The following NAV3 variants were observed in gnomAD, a reference collection of about 807,000 sequenced individuals.
The protein encoded by NAV3 is neuron navigator 3, also known as pore membrane and/or filament interacting like protein 1.
In NAV3, 87 loss-of-function variants were observed where a neutral mutation model predicts 244.7. The ratio of observed to expected loss-of-function variants is 0.36; its 90% CI spans 0.30 to 0.42. The LOEUF (loss-of-function observed/expected upper bound fraction) is 0.42, where lower values mean the gene tolerates loss of function less well. Ranked by LOEUF, NAV3 falls within the 20% of genes least tolerant of loss-of-function variation. The probability of loss-of-function intolerance (pLI) is 1.00; values close to 1 mark genes in which losing one functional copy is unlikely to be tolerated. For missense variants in NAV3, 2,663 were observed against 2,893.3 expected (o/e 0.92, Z 1.83); for synonymous variants, 1,126 against 1,042.2 (o/e 1.08, Z -1.55).
At chr12:77,841,483 C>G (rs1875640581) in intron 1 of NAV3, among the ~76,000 whole-genome samples, 1 of 152,202 alleles carries the variant, frequency 6.6e-6, no homozygotes, top group African/African-American at 2.4e-5. Flanking sequence ...AAACCTAGGT[C>G]TCAGTGGCTT....
chr12:78,157,667 T>C (rs151131112), intron 22 of NAV3, among the ~76,000 whole-genome samples: 1 of 152,158 alleles, frequency 6.6e-6, no homozygotes, highest in African/African-American at 2.4e-5. Context: ...TTGCTTGTCA[T>C]TGAAAATTTT....
chr12:77,680,976 G>A (rs974469206), intron 2 of NAV3, among the ~76,000 whole-genome samples: 1 of 152,048 alleles, frequency 6.6e-6, no homozygotes, highest in Non-Finnish European at 1.5e-5. Context: ...ATCCGATTTT[G>A]GGGGGAGGGG....
chr12:78,139,529 ACATACTACTC>A (rs1232630817), intron 19 of NAV3, among the ~76,000 whole-genome samples: 3 of 152,206 alleles, frequency 2.0e-5, no homozygotes, highest in Admixed American at 1.3e-4. Flanking sequence ...GCAGAAATAA[ACATACTACTC>A]CATAGTAAAA....
chr12:77,973,887 T>C (rs1345534298), intron 5 of NAV3, among the ~76,000 whole-genome samples: 1 of 152,138 alleles, frequency 6.6e-6, no homozygotes, highest in African/African-American at 2.4e-5. Flanking sequence ...GATTAAACTT[T>C]AAATAAAACA....
intron 2 of NAV3, among the ~76,000 whole-genome samples, chr12:77,628,751 C>T (rs1482414904): frequency 6.6e-6 from 1 of 151,410 alleles, no homozygotes; most frequent in Non-Finnish European, 1.5e-5. Flanking sequence ...ATTAGCCGGG[C>T]ACGGTGGAGC....
chr12:78,200,411 A>T, intron 37 of NAV3, 62 bp from the exon 38 acceptor site: 1 of 969,034 alleles, frequency 1.0e-6, no homozygotes, highest in Non-Finnish European at 1.5e-6. Flanking sequence ...AATGGTGTCT[A>T]GATATGTGTT....
chr12:78,098,958 T>G (rs1014881612), intron 12 of NAV3, among the ~76,000 whole-genome samples: 77 of 151,066 alleles, frequency 5.1e-4, no homozygotes, highest in African/African-American at 1.8e-3. Context: ...ATCCAGGGTT[T>G]TTTTTTTTTT....
At chr12:77,905,830 T>C (rs1383976926) in intron 1 of NAV3, among the ~76,000 whole-genome samples, 3 of 152,190 alleles carry the variant, frequency 2.0e-5, no homozygotes, top group Admixed American at 2.0e-4. Context: ...CTTTTGTACA[T>C]TGAGTACAGT....
chr12:77,814,416 G>T lies in NAV3; in HGVS notation c.73-125903G>T, dbSNP rs190993699. The stretch of plus-strand genomic sequence containing the variant: ...CTAATTCTACCAAACTCTATACCAT[G>T]CAAATTAAAAGAGAAATAAATAAAG... On this transcript the variant is annotated intron_variant, in intron 2 of 8. Coordinates refer to the NAV3 transcript ENST00000550042. Among the ~76,000 whole-genome samples the T allele has an allele frequency of 1.2e-4, 18 of 152,216 alleles. No homozygotes were observed. In the East Asian group the frequency reaches 3.3e-3, roughly 28 times the overall value.
intron 1 of NAV3, among the ~76,000 whole-genome samples, chr12:77,852,429 A>G (rs12230645): frequency 0.7 from 106,270 of 151,930 alleles, 39,562 homozygotes; most frequent in East Asian, 0.86. Flanking sequence ...CAGCTACTTG[A>G]AAGGGAGGCT....
At chr12:78,125,141 TA>T (rs1225823794) in intron 16 of NAV3, among the ~76,000 whole-genome samples, 4 of 152,132 alleles carry the variant, frequency 2.6e-5, no homozygotes, top group Admixed American at 1.3e-4. Context: ...TATGGTTAAT[TA>T]ATTGATCAGT....
chr12:77,903,049 G>A (rs1282678332), intron 1 of NAV3, among the ~76,000 whole-genome samples: 31 of 152,200 alleles, frequency 2.0e-4, no homozygotes, highest in African/African-American at 5.1e-4. Context: ...AATCAATATC[G>A]TGAAAATGGC....
At position 77,961,566 on chromosome 12, in the gene NAV3, G is replaced by A. The variant is rs150891581; in HGVS notation, c.415-4663G>A. 6.7e-5 allele frequency among the ~76,000 whole-genome samples: 9 copies of A among 133,766 alleles called. No homozygotes were observed. The South Asian group carries it at 2.3e-3, about 34-fold the overall frequency. 87.8% of individuals were successfully genotyped at this position (133,766 alleles called of 152,430 possible). A position where few individuals can be genotyped will look rare whatever the true frequency, so the allele number is the denominator to read the frequency against. The stretch of plus-strand genomic sequence containing the variant: ...TGTATATGTAATATATATTATTAAA[G>A]TAAATATTATATATTATGTATCTGT... On this transcript the variant is annotated intron_variant, in intron 3 of 39. Transcript: ENST00000397909.
In NAV3 at chr12:78,177,389, A is replaced by G. The variant is rs957951236; in HGVS notation, c.5297+76A>G. 3.8e-5 allele frequency: 56 copies of G among 1,488,424 alleles called. No homozygotes were observed. In the African/African-American group the frequency reaches 7.3e-4, roughly 20 times the overall value. The allele number at this position is 1,488,424 out of a possible 1,614,324, so 92.2% of individuals were successfully genotyped here. A position where few individuals can be genotyped will look rare whatever the true frequency, so the allele number is the denominator to read the frequency against. Reference sequence around the variant, plus strand: ...AGATGAAGGCCTTATTTATGTTCTAACCATATCTGTACCAATTATTTTCAG... The same window carrying G: ...AGATGAAGGCCTTATTTATGTTCTAGCCATATCTGTACCAATTATTTTCAG... On this transcript the variant is annotated intron_variant, in intron 27 of 39. Transcript: ENST00000397909.
intron 2 of NAV3, among the ~76,000 whole-genome samples, chr12:77,701,266 T>C (rs1465163023): frequency 2.0e-5 from 3 of 151,982 alleles, no homozygotes; most frequent in African/African-American, 7.2e-5. Context: ...TGTATTGTAT[T>C]ATCATTTTGG....
At chr12:77,648,131 T>C (rs1872679076) in intron 2 of NAV3, among the ~76,000 whole-genome samples, 1 of 152,130 alleles carries the variant, frequency 6.6e-6, no homozygotes, top group African/African-American at 2.4e-5. Flanking sequence ...TAAAATTGAA[T>C]ATTTCAACTT....
chr12:78,189,900 A>G (rs769743218), intron 33 of NAV3, 84 bp from the exon 34 acceptor site: 9 of 986,434 alleles, frequency 9.1e-6, no homozygotes, highest in African/African-American at 1.6e-5. Context: ...ATGACTAACA[A>G]TGCTGTTGCT....
intron 2 of NAV3, among the ~76,000 whole-genome samples, chr12:77,741,146 G>GAGAAAAAAAAAAAAA (rs1393220189): frequency 1.4e-4 from 1 of 7,372 alleles, no homozygotes; most frequent in Non-Finnish European, 3.0e-4. Context: ...AAAAAAAAAA[G>GAGAAAAAAAAAAAAA]ACAAAAAAAA....
At chr12:78,032,345 T>C (rs1422509585) in intron 9 of NAV3, among the ~76,000 whole-genome samples, 1 of 152,192 alleles carries the variant, frequency 6.6e-6, no homozygotes, top group Non-Finnish European at 1.5e-5. Context: ...ATAAAAACAT[T>C]GTCTTTGCCA....
Sources: allele counts gnomAD v4.1 joint callset (sites outside exome capture counted in the v4.1 genomes callset), GRCh38; gene constraint gnomAD v4.1.1; transcripts MANE v1.5; gene names NCBI Gene and HGNC (gene_info 2026-07-23, HGNC 2026-07-21).